The following NUP88 variants were observed in gnomAD, a reference collection of about 807,000 sequenced individuals.
NUP88 encodes nucleoporin 88.
Under a neutral mutation model 93.9 loss-of-function variants are expected in NUP88, and 57 were observed. The ratio of observed to expected loss-of-function variants is 0.61; its 90% CI spans 0.49 to 0.76. NUP88 has a LOEUF of 0.76. Among genes scored for constraint, NUP88 ranks in the 30% least tolerant of loss-of-function variants. The pLI is 0.00. For synonymous variants in NUP88, 346 were observed against 336.8 expected (o/e 1.03, Z -0.30); for missense variants, 911 against 901.0 (o/e 1.01, Z -0.14).
intron 5 of NUP88, among the ~76,000 whole-genome samples, chr17:5,406,431 T>G (rs1913494020): frequency 6.6e-6 from 1 of 152,206 alleles, no homozygotes; most frequent in African/African-American, 2.4e-5. Flanking sequence ...TACACAGTCT[T>G]GTGTGCTATG....
At chr17:5,392,873 T>C (rs948122790) in intron 9 of NUP88, among the ~76,000 whole-genome samples, 2 of 152,200 alleles carry the variant, frequency 1.3e-5, no homozygotes, top group Non-Finnish European at 2.9e-5. Flanking sequence ...CACTGCAGCC[T>C]TGACCTCGTG....
At chr17:5,389,504 G>A (rs957159088) in intron 10 of NUP88, among the ~76,000 whole-genome samples, 3 of 152,330 alleles carry the variant, frequency 2.0e-5, no homozygotes, top group South Asian at 2.1e-4. Flanking sequence ...TTGGTTGGGC[G>A]TGGTGGCTCA....
Position 5,384,883 on chromosome 17 carries a change from C to T in NUP88, c.*1323G>A, listed in dbSNP as rs1058383. 97,148 of 220,536 alleles carry T rather than the reference C, an allele frequency of 0.44. 23,106 individuals carry two copies. Among genetic ancestry groups the T allele is most frequent in the East Asian group, 0.84 (12,398 of 14,824 alleles). The allele number at this position is 220,536 out of a possible 1,614,324, so 13.7% of individuals were successfully genotyped here. A position where few individuals can be genotyped will look rare whatever the true frequency, so the allele number is the denominator to read the frequency against. ...TATAAAATGCAATCAATTTAAATTA[C>T]GTAGGTTTAAGACTAGTCCCTTGGA... is the stretch of plus-strand genomic sequence containing the variant. On this transcript the variant is annotated 3_prime_UTR_variant, in exon 17 of 17. Transcript: ENST00000573584.
Position 5,414,074 on chromosome 17 carries a change from A to G in NUP88, c.528T>C (p.Ala176=). The change falls in exon 3 of 17, where the codon GCT becomes GCC. Residue 176 remains alanine (A), a synonymous_variant. Transcript: ENST00000573584. ...CCAGGATTTCACTTGGATACCATGCAGCATGCTTTAGAGTCAGAGAGGTGG... is the reference window on the plus strand; with the variant it reads ...CCAGGATTTCACTTGGATACCATGCGGCATGCTTTAGAGTCAGAGAGGTGG... The part of the protein sequence containing the change: ...TSSTSLTLKH[A]AWYPSEILDP... The G allele has an allele frequency of 5.0e-6, 8 of 1,613,352 alleles. No homozygotes were observed. The highest frequency in any genetic ancestry group is 6.8e-6 in the Non-Finnish European group (8 of 1,179,274).
chr17:5,405,301 T>TA, intron 5 of NUP88, 58 bp from the exon 6 acceptor site: 18 of 1,438,420 alleles, frequency 1.3e-5, no homozygotes, highest in Non-Finnish European at 1.7e-5. Context: ...GCTCATCCCA[T>TA]AAAACCATTC....
rs1378688219 is a variant in NUP88, at chr17:5,404,134, T to G, written c.1157A>C (p.Asp386Ala). ...KLASGEDDPF[D>A]SDFSCPVKLH... ...TTTGACTGGACAAGAAAAGTCAGAA[T>G]CAAAAGGGTCATCCTCTCCAGATGC... Residue 386 changes from aspartate (D) to alanine (A), a missense_variant, in exon 7 of 17, where the codon GAT becomes GCT. Transcript: ENST00000573584. 1.2e-6 allele frequency: 2 copies of G among 1,613,928 alleles called. No individual in the cohort carries two copies. The highest frequency in any genetic ancestry group is 1.7e-5 in the Admixed American group (1 of 59,978).
Position 5,386,973 on chromosome 17 carries a change from T to TCTA in NUP88, c.2043+8_2043+10dup. On this transcript the variant is annotated intron_variant, in intron 15 of 16. Transcript: ENST00000573584. ...AATTACCAAATTTAGCTAGTTTGGA[T>TCTA]CTATTCCTACCTGTTTGATGGCATT... 1 of 1,611,228 alleles carries TCTA rather than the reference T, an allele frequency of 6.2e-7. No individual in the cohort carries two copies. Among genetic ancestry groups the TCTA allele is most frequent in the Non-Finnish European group, 8.5e-7 (1 of 1,179,302 alleles).
At chr17:5,393,476 A>G (rs9904595) in intron 9 of NUP88, among the ~76,000 whole-genome samples, 65,859 of 138,498 alleles carry the variant, frequency 0.48, 15,795 homozygotes, top group East Asian at 0.84. Context: ...TCACTCTGTC[A>G]CCCAGACTGG....
At chr17:5,411,037 A>C (rs1806256) in intron 3 of NUP88, among the ~76,000 whole-genome samples, 66,442 of 151,914 alleles carry the variant, frequency 0.44, 15,291 homozygotes, top group East Asian at 0.84. Flanking sequence ...CTATTCCATA[A>C]CATCGCACCT....
chr17:5,411,378 A>C (rs1913832504), intron 3 of NUP88, among the ~76,000 whole-genome samples: 1 of 152,174 alleles, frequency 6.6e-6, no homozygotes, highest in Admixed American at 6.5e-5. Context: ...AGCCTGGCCA[A>C]CATGATGAAA....
intron 8 of NUP88, among the ~76,000 whole-genome samples, chr17:5,398,392 G>A (rs1039135526): frequency 3.3e-5 from 5 of 151,574 alleles, no homozygotes; most frequent in South Asian, 2.1e-4. Context: ...GGGTTCAAGC[G>A]ATTCTCCTGC....
Position 5,414,034 on chromosome 17 carries a change from G to C in NUP88, c.568C>G (p.Leu190Val). The change falls in exon 3 of 17, where the codon CTG becomes GTG. Residue 190 changes from leucine (L) to valine (V), a missense_variant. By Grantham distance (32) the Leu-to-Val change is conservative. Coordinates refer to ENST00000573584, the MANE Select transcript of NUP88 (RefSeq NM_002532.6). The stretch of plus-strand genomic sequence containing the variant: ...CTGATTACGTTGTCTGATGTTAACA[G>C]CACTACGTGGGGATCCAGGATTTCA... ...PSEILDPHVVLLTSDNVIRIY... is the reference protein window; with the variant it reads ...PSEILDPHVVVLTSDNVIRIY... 7 of 1,613,800 alleles carry C rather than the reference G, an allele frequency of 4.3e-6. No individual in the cohort carries two copies. Among genetic ancestry groups the C allele is most frequent in the Non-Finnish European group, 5.9e-6 (7 of 1,179,738 alleles).
At chr17:5,413,107 A>T (rs1318792852) in intron 3 of NUP88, among the ~76,000 whole-genome samples, 2 of 152,240 alleles carry the variant, frequency 1.3e-5, no homozygotes, top group African/African-American at 4.8e-5. Context: ...TCTCCTGAGT[A>T]GCTGGGACTA....
intron 3 of NUP88, among the ~76,000 whole-genome samples, 194 bp downstream of exon 3, chr17:5,413,815 A>T (rs1913980378): frequency 6.6e-6 from 1 of 152,232 alleles, no homozygotes; most frequent in African/African-American, 2.4e-5. Flanking sequence ...AGGCAGGAAG[A>T]CTAGTTGAGA....
Position 5,393,399 on chromosome 17 carries a change from A to G in NUP88, c.1382+1492T>C, listed in dbSNP as rs149043940. 5.2e-3 allele frequency among the ~76,000 whole-genome samples: 781 copies of G among 149,430 alleles called. 10 individuals are homozygous for G. The highest frequency in any genetic ancestry group is 0.018 in the African/African-American group (735 of 40,564). ...GTGTAAGCCACCATGCCCAGCCTAC[A>G]TGGGATTTTATTATGTATTTTCCTT... On this transcript the variant is annotated intron_variant, in intron 9 of 16. Transcript: ENST00000573584.
At chr17:5,392,401 C>T (rs190386059) in intron 9 of NUP88, among the ~76,000 whole-genome samples, 88 of 152,324 alleles carry the variant, frequency 5.8e-4, no homozygotes, top group Middle Eastern at 3.4e-3. Context: ...TATTCTTTCT[C>T]GCCATCCCTT....
At position 5,388,932 on chromosome 17, in the gene NUP88, G is replaced by T; in HGVS notation, c.1513C>A (p.Leu505Met). The change falls in exon 11 of 17, where the codon CTG (leucine) becomes ATG (methionine). Residue 505 changes from leucine (L) to methionine (M), a missense_variant. Transcript: ENST00000573584. ...TCAACATCTTCTCGAGTACAAAGCA[G>T]GGGAGGAGACGCTGGATGGACTGTA... is the stretch of plus-strand genomic sequence containing the variant. ...LSTVHPASPP[L>M]LCTREDVEVA... The T allele has an allele frequency of 1.2e-6, 2 of 1,612,604 alleles. No individual in the cohort carries two copies.
chr17:5,412,080 A>T (rs1222981120), intron 3 of NUP88, among the ~76,000 whole-genome samples: 1 of 152,214 alleles, frequency 6.6e-6, no homozygotes, highest in African/African-American at 2.4e-5. Context: ...GGAAAACAGA[A>T]GTGTTAAATA....
At position 5,386,025 on chromosome 17, in the gene NUP88, A is replaced by T; in HGVS notation, c.*181T>A. The T allele has an allele frequency of 1.8e-6, 1 of 552,598 alleles. No individual in the cohort carries two copies. The highest frequency in any genetic ancestry group is 3.2e-6 in the Non-Finnish European group (1 of 315,986). 34.2% of individuals were successfully genotyped at this position (552,598 alleles called of 1,614,324 possible). On this transcript the variant is annotated 3_prime_UTR_variant, in exon 17 of 17. Transcript: ENST00000573584. The stretch of plus-strand genomic sequence containing the variant: ...ACTGTAGGCTTGAGTTATAAAGCAC[A>T]TTCCAAATTTTAAATAAAAGCATTT...
Sources: allele counts gnomAD v4.1 joint callset (sites outside exome capture counted in the v4.1 genomes callset), GRCh38; gene constraint gnomAD v4.1.1; transcripts MANE v1.5; gene names NCBI Gene and HGNC (gene_info 2026-07-23, HGNC 2026-07-21).